Variants in NLGN2 observed in about 807,000 individuals in gnomAD.
NLGN2 encodes neuroligin 2.
Under a neutral mutation model 48.6 loss-of-function variants are expected in NLGN2, and 11 were observed. The ratio of observed to expected loss-of-function variants is 0.23; its 90% CI spans 0.14 to 0.37. NLGN2 has a LOEUF of 0.37. NLGN2 is among the 10% of genes least tolerant of loss of function. The pLI, the probability that NLGN2 is intolerant of heterozygous loss-of-function variation, is 1.00. For synonymous variants in NLGN2, 548 were observed against 550.0 expected (o/e 1.00, Z 0.05); for missense variants, 801 against 1,225.2 (o/e 0.65, Z 5.17).
rs371020542 is a variant in NLGN2, at chr17:7,415,065, C to G, written c.954C>G (p.Asp318Glu). The G allele has an allele frequency of 3.1e-6, 5 of 1,613,546 alleles. No individual in the cohort carries two copies. The highest frequency in any genetic ancestry group is 2.5e-6 in the Non-Finnish European group (3 of 1,180,024). ...TRLLAAKVGC[D>E]REDSAEAVEC... is the part of the protein sequence containing the mutation. ...TGCTGGCAGCCAAGGTGGGCTGTGA[C>G]CGAGAGGACAGCGCTGAAGCTGTGG... The change falls in exon 5 of 7, where the codon GAC becomes GAG. Residue 318 changes from aspartate to glutamate, a missense_variant. This residue lies in a region of NLGN2 where 303 missense variants were observed against 600.1 expected (regional missense o/e 0.50). Transcript: ENST00000302926.
rs759012591 is a variant in NLGN2, at chr17:7,408,318, C to T, written c.63C>T (p.Pro21=). The change falls in exon 1 of 7, where the codon CCC becomes CCT. Residue 21 remains proline (P), a synonymous_variant. Transcript: ENST00000302926. The surrounding 1 kb of genome is among the most constrained non-coding windows in gnomAD (Gnocchi z 7.5). ...GGGCTCAACGCGGGGGAGGGGGTCC[C>T]GGCGGCGGCGCCCCGGGCGGCCCCG... ...LAGAQRGGGG[P]GGGAPGGPGL... is the part of the protein sequence containing the mutation. The T allele has an allele frequency of 5.5e-5, 77 of 1,389,602 alleles. No individual in the cohort carries two copies. The highest frequency in any genetic ancestry group is 4.0e-4 in the African/African-American group (26 of 65,340). The allele number at this position is 1,389,602 out of a possible 1,614,324, so 86.1% of individuals were successfully genotyped here.
At chr17:7,409,702 C>G (rs1906798301) in intron 1 of NLGN2, among the ~76,000 whole-genome samples, 1 of 152,110 alleles carries the variant, frequency 6.6e-6, no homozygotes, top group South Asian at 2.1e-4. Context: ...CCAGGAGCTC[C>G]TAATGTACCC....
rs1907126859 is a variant in NLGN2 at position 7,417,012 on chromosome 17, A to C, written c.1721A>C (p.Asn574Thr). The C allele has an allele frequency of 1.9e-6, 3 of 1,614,168 alleles. No homozygotes were observed. The highest frequency in any genetic ancestry group is 2.5e-6 in the Non-Finnish European group (3 of 1,180,004). The change falls in exon 7 of 7, where the codon AAC (asparagine) becomes ACC (threonine). Residue 574 changes from asparagine to threonine, a missense_variant. Asn to Thr is a moderately conservative substitution (Grantham distance 65). Around this residue, in one of 5 missense-constraint regions of NLGN2, gnomAD observed 303 missense variants for 600.1 expected, o/e 0.50. Coordinates refer to ENST00000302926, the MANE Select transcript of NLGN2 (RefSeq NM_020795.4). ...RFEEVVWSKFNSKEKQYLHIG... is the reference protein window; with the variant it reads ...RFEEVVWSKFTSKEKQYLHIG... ...GAGGAGGTGGTGTGGAGCAAATTCA[A>C]CAGCAAGGAGAAGCAGTATCTGCAC...
rs1597706859 is a variant in NLGN2, at chr17:7,408,355, G to A, written c.100G>A (p.Gly34Ser). The A allele has an allele frequency of 1.3e-6, 2 of 1,486,536 alleles. No homozygotes were observed. The highest frequency in any genetic ancestry group is 2.6e-5 in the South Asian group (2 of 78,244). The allele number at this position is 1,486,536 out of a possible 1,614,324, so 92.1% of individuals were successfully genotyped here. A position where few individuals can be genotyped will look rare whatever the true frequency, so the allele number is the denominator to read the frequency against. Residue 34 changes from glycine to serine, a missense_variant, in exon 1 of 7, where the codon GGC becomes AGC. By Grantham distance (56) the Gly-to-Ser change is moderately conservative (BLOSUM62 0). Around this residue, in one of 5 missense-constraint regions of NLGN2, gnomAD observed 164 missense variants for 186.2 expected, o/e 0.88. Coordinates refer to ENST00000302926, the MANE Select transcript of NLGN2 (RefSeq NM_020795.4). This position sits in a 1 kb window ranked among gnomAD's most constrained non-coding sequence, Gnocchi z 7.5. ...GAPGGPGLGL[G>S]SLGEERFPVV... is the part of the protein sequence containing the mutation. The stretch of plus-strand genomic sequence containing the variant: ...CCCGGGCGGCCCCGGCCTGGGCCTC[G>A]GCAGCCTCGGCGAGGAGCGCTTCCC...
At position 7,417,612 on chromosome 17, in the gene NLGN2, G is replaced by T; in HGVS notation, c.2321G>T (p.Arg774Leu). The change falls in exon 7 of 7, where the codon CGC (arginine) becomes CTC (leucine). Residue 774 changes from arginine to leucine, a missense_variant. Around this residue, in one of 5 missense-constraint regions of NLGN2, gnomAD observed 276 missense variants for 313.9 expected, o/e 0.88. Coordinates refer to ENST00000302926, the MANE Select transcript of NLGN2 (RefSeq NM_020795.4). ...ACPPDYTLALRRAPDDVPLLA... is the reference protein window; with the variant it reads ...ACPPDYTLALLRAPDDVPLLA... Reference sequence around the variant, plus strand: ...CCGCCCGACTACACCCTGGCCCTGCGCCGGGCACCGGACGATGTGCCTCTC... The same window carrying T: ...CCGCCCGACTACACCCTGGCCCTGCTCCGGGCACCGGACGATGTGCCTCTC... The T allele has an allele frequency of 1.4e-6, 2 of 1,419,514 alleles. No individual in the cohort carries two copies. Among genetic ancestry groups the T allele is most frequent in the Non-Finnish European group, 9.1e-7 (1 of 1,096,070 alleles). 87.9% of individuals were successfully genotyped at this position (1,419,514 alleles called of 1,614,324 possible). A position where few individuals can be genotyped will look rare whatever the true frequency, so the allele number is the denominator to read the frequency against.
In NLGN2 at chr17:7,415,521, G is replaced by A. The variant is rs1417902552; in HGVS notation, c.1048G>A (p.Ala350Thr). The change falls in exon 6 of 7, where the codon GCC becomes ACC. Residue 350 changes from alanine (A) to threonine (T), a missense_variant. Coordinates refer to ENST00000302926, the MANE Select transcript of NLGN2 (RefSeq NM_020795.4). ...ACCCCTTCTCCCCAGCTACCACATC[G>A]CCTTTGGGCCCGTGGTGGATGGCGA... ...QDVQPARYHIAFGPVVDGDVV... is the reference protein window; with the variant it reads ...QDVQPARYHITFGPVVDGDVV... 6.2e-7 allele frequency: 1 copy of A among 1,614,218 alleles called. No individual in the cohort carries two copies. Among genetic ancestry groups the A allele is most frequent in the Non-Finnish European group, 8.5e-7 (1 of 1,180,016 alleles).
intron 1 of NLGN2, among the ~76,000 whole-genome samples, chr17:7,409,020 C>T (rs1317015618): frequency 6.6e-6 from 1 of 152,160 alleles, no homozygotes; most frequent in African/African-American, 2.4e-5. Context: ...AGTCTGCCAG[C>T]TAATCTCAAC....
chr17:7,406,343 G>A (rs757170566), upstream of NLGN2, among the ~76,000 whole-genome samples: 11 of 151,924 alleles, frequency 7.2e-5, no homozygotes, highest in Non-Finnish European at 1.2e-4. Flanking sequence ...ACCCTCAAGA[G>A]GAGAGGGTGA....
chr17:7,405,374 G>A (rs545940326), upstream of NLGN2: 1 of 152,272 alleles, frequency 6.6e-6, no homozygotes, highest in Admixed American at 6.5e-5. This position sits in a 1 kb window ranked among gnomAD's most constrained non-coding sequence, Gnocchi z 6.8. Flanking sequence ...GGGGTTCCCT[G>A]TTCTCGGGCT....
intron 1 of NLGN2, 79 bp from the exon 2 acceptor site, chr17:7,412,078 C>T (rs990248280): frequency 5.6e-6 from 4 of 719,326 alleles, no homozygotes; most frequent in East Asian, 3.1e-5. Context: ...CCTCCCCTCC[C>T]CATCCACCAC....
At chr17:7,409,805 C>A (rs1426419173) in intron 1 of NLGN2, among the ~76,000 whole-genome samples, 1 of 152,152 alleles carries the variant, frequency 6.6e-6, no homozygotes, top group Non-Finnish European at 1.5e-5. Context: ...ACCCAACCAA[C>A]CTGTACACTG....
chr17:7,414,369 T>A lies in NLGN2; in HGVS notation c.534T>A (p.Pro178=). 1 of 1,574,294 alleles carries A rather than the reference T, an allele frequency of 6.4e-7. No homozygotes were observed. The highest frequency in any genetic ancestry group is 2.2e-5 in the East Asian group (1 of 44,584). ...DTDIRDPGKK[P]VMLFLHGGSY... is the part of the protein sequence containing the mutation. ...ATATCCGTGACCCTGGGAAGAAGCC[T>A]GTGATGCTGTTTCTCCATGGCGGCT... The change falls in exon 3 of 7, where the codon CCT becomes CCA. Residue 178 remains proline (P), a synonymous_variant. Transcript: ENST00000302926.
At chr17:7,412,886 G>A (rs546901570) in intron 2 of NLGN2, among the ~76,000 whole-genome samples, 1 of 130,810 alleles carries the variant, frequency 7.6e-6, no homozygotes, top group Non-Finnish European at 1.7e-5. Flanking sequence ...TTGCTTTTTG[G>A]TTGTTTTTTT....
chr17:7,404,711 C>T (rs2150807960), upstream of NLGN2, among the ~76,000 whole-genome samples: 1 of 152,246 alleles, frequency 6.6e-6, no homozygotes, highest in South Asian at 2.1e-4. Context: ...CCTGCCCTGG[C>T]CCGCTACGTC....
chr17:7,414,012 C>T (rs1228388685), intron 2 of NLGN2, among the ~76,000 whole-genome samples: 1 of 152,146 alleles, frequency 6.6e-6, no homozygotes, highest in Non-Finnish European at 1.5e-5. Context: ...AGGAGATGTG[C>T]TGTGTGCGGG....
chr17:7,410,234 C>T (rs954640772), intron 1 of NLGN2, among the ~76,000 whole-genome samples: 6 of 151,626 alleles, frequency 4.0e-5, no homozygotes, highest in Admixed American at 1.3e-4. Flanking sequence ...CATGTCCATC[C>T]CAATACCTCG....
chr17:7,407,241 G>A (rs1267393569), upstream of NLGN2, among the ~76,000 whole-genome samples: 1 of 152,136 alleles, frequency 6.6e-6, no homozygotes, highest in Non-Finnish European at 1.5e-5. Context: ...AACATTGCGG[G>A]GCAGCATCCC....
intron 1 of NLGN2, among the ~76,000 whole-genome samples, chr17:7,410,461 C>T (rs546118903): frequency 1.3e-5 from 2 of 152,182 alleles, no homozygotes; most frequent in East Asian, 3.9e-4. Flanking sequence ...GTGCACACCA[C>T]ACTCCTCTGC....
intron 2 of NLGN2, among the ~76,000 whole-genome samples, chr17:7,412,889 GT>G (rs1285942050): frequency 3.5e-5 from 4 of 114,504 alleles, no homozygotes; most frequent in Non-Finnish European, 5.9e-5. Context: ...CTTTTTGGTT[GT>G]TTTTTTCTTT....
Sources: gnomAD v4.1 joint callset for allele counts (sites outside exome capture counted in the v4.1 genomes callset) on GRCh38, gnomAD v4.1.1 for gene constraint, gnomAD v4.1.1 regional missense constraint, Gnocchi (gnomAD v3.1) non-coding constraint, MANE v1.5 for transcripts, NCBI Gene and HGNC (gene_info 2026-07-23, HGNC 2026-07-21) for gene names.